The following DDX42 variants were observed in gnomAD, a reference collection of about 807,000 sequenced individuals.
The protein encoded by DDX42 is ATP-dependent RNA helicase DDX42.
Under a neutral mutation model 101.5 loss-of-function variants are expected in DDX42, and 22 were observed. The ratio of observed to expected loss-of-function variants is 0.22; its 90% CI spans 0.15 to 0.31. The LOEUF is 0.31. DDX42 is among the 10% of genes least tolerant of loss of function. The probability of loss-of-function intolerance (pLI) is 1.00; values close to 1 mark genes in which losing one functional copy is unlikely to be tolerated. For synonymous variants in DDX42, 402 were observed against 401.2 expected (o/e 1.00, Z -0.02); for missense variants, 849 against 1,199.9 (o/e 0.71, Z 4.32).
chr17:63,782,437 A>C (rs561711652), intron 1 of DDX42, among the ~76,000 whole-genome samples: 36 of 151,722 alleles, frequency 2.4e-4, no homozygotes, highest in Non-Finnish European at 4.4e-4. Flanking sequence ...TGGCATCTCT[A>C]CTCAGCTCTC....
chr17:63,789,616 C>T (rs1383444393), intron 2 of DDX42, among the ~76,000 whole-genome samples: 2 of 131,366 alleles, frequency 1.5e-5, no homozygotes, highest in African/African-American at 6.0e-5. Flanking sequence ...TCTTGTTGCC[C>T]AGGCTGGAGT....
chr17:63,777,450 C>CT (rs1336711645), intron 1 of DDX42, among the ~76,000 whole-genome samples: 3,329 of 139,204 alleles, frequency 0.024, 97 homozygotes, highest in African/African-American at 0.066. Context: ...CTTTTTCTTT[C>CT]TTTTTTTTTT....
In DDX42 at chr17:63,799,415, G is replaced by C. The variant is rs2144561206; in HGVS notation, c.435-174G>C. On this transcript the variant is annotated intron_variant, in intron 4 of 17. Coordinates refer to ENST00000389924, the MANE Select transcript of DDX42 (RefSeq NM_203499.3). ...TGCAAACTGCAGATTATAGAGTGCA[G>C]CTACACATATATATAATGGGGTGGA... 3 of 547,438 alleles carry C rather than the reference G, an allele frequency of 5.5e-6. No homozygotes were observed. In the South Asian group the frequency reaches 1.1e-4, roughly 21 times the overall value. 33.9% of individuals were successfully genotyped at this position (547,438 alleles called of 1,614,324 possible). A position where few individuals can be genotyped will look rare whatever the true frequency, so the allele number is the denominator to read the frequency against.
Position 63,811,153 on chromosome 17 carries a change from G to C in DDX42, c.1378G>C (p.Val460Leu). 3.1e-6 allele frequency: 5 copies of C among 1,614,000 alleles called. No individual in the cohort carries two copies. The highest frequency in any genetic ancestry group is 4.2e-6 in the Non-Finnish European group (5 of 1,179,968). Reference protein sequence around the residue: ...RDILIDPIRVVQGDIGEANED... With the variant: ...RDILIDPIRVLQGDIGEANED... ...CATCCTGATCGACCCTATTCGAGTG[G>C]TGCAGGGAGATATTGGAGAGGTAAC... The change falls in exon 13 of 18, where the codon GTG (valine) becomes CTG (leucine). Residue 460 changes from valine to leucine, a missense_variant. Val to Leu is a conservative substitution (Grantham distance 32). Coordinates refer to ENST00000389924, the MANE Select transcript of DDX42 (RefSeq NM_203499.3).
At position 63,818,497 on chromosome 17, in the gene DDX42, AC is replaced by A. The variant is rs1567749384; in HGVS notation, c.*104del. ...CTGGGTTGGGGTCCAAAGTGTAAGG[AC>A]CCCCTGCCCTTAGTGGAGAGCTGGA... On this transcript the variant is annotated 3_prime_UTR_variant, in exon 18 of 18. Transcript: ENST00000389924. 9.1e-7 allele frequency: 1 copy of A among 1,102,398 alleles called. No individual in the cohort carries two copies. The highest frequency in any genetic ancestry group is 1.3e-6 in the Non-Finnish European group (1 of 785,540). 68.3% of individuals were successfully genotyped at this position (1,102,398 alleles called of 1,614,324 possible).
intron 13 of DDX42, chr17:63,811,436 T>A: frequency 2.6e-6 from 1 of 389,536 alleles, no homozygotes; most frequent in Non-Finnish European, 4.6e-6. Context: ...GTCTCAAAAC[T>A]TACAATTGTT....
At chr17:63,786,499 A>C (rs2039548855) in intron 1 of DDX42, among the ~76,000 whole-genome samples, 1 of 152,210 alleles carries the variant, frequency 6.6e-6, no homozygotes, top group Admixed American at 6.5e-5. Flanking sequence ...ATCATAGCTC[A>C]GTGTAATCTG....
chr17:63,813,669 C>G (rs2039939959), intron 15 of DDX42, among the ~76,000 whole-genome samples: 1 of 152,132 alleles, frequency 6.6e-6, no homozygotes, highest in Non-Finnish European at 1.5e-5. Context: ...AAAGCTATTC[C>G]TTTGTGCTAA....
intron 1 of DDX42, among the ~76,000 whole-genome samples, chr17:63,780,947 C>G (rs1767522303): frequency 6.6e-6 from 1 of 152,142 alleles, no homozygotes; most frequent in African/African-American, 2.4e-5. Context: ...CATTTTGCAT[C>G]TTCAGTTTTT....
intron 1 of DDX42, chr17:63,776,000 C>T (rs1054930696): frequency 9.8e-5 from 15 of 152,288 alleles, no homozygotes; most frequent in African/African-American, 2.6e-4. Flanking sequence ...AATGTGATTA[C>T]GTTCTTGAGT....
Position 63,816,908 on chromosome 17 carries a change from A to G in DDX42, c.2054A>G (p.Tyr685Cys), listed in dbSNP as rs752839121. 1.2e-6 allele frequency: 2 copies of G among 1,613,932 alleles called. No individual in the cohort carries two copies. Among genetic ancestry groups the G allele is most frequent in the African/African-American group, 2.7e-5 (2 of 74,922 alleles). ...AATGTAATGAGCAATTATGAGGCCTACAAGCCTTCCACAGGAGCTATGGGA... is the reference window on the plus strand; with the variant it reads ...AATGTAATGAGCAATTATGAGGCCTGCAAGCCTTCCACAGGAGCTATGGGA... The part of the protein sequence containing the change: ...NNNVMSNYEA[Y>C]KPSTGAMGDR... The change falls in exon 17 of 18, where the codon TAC becomes TGC. Residue 685 changes from tyrosine to cysteine, a missense_variant. This residue lies in a region of DDX42 where 86 missense variants were observed against 160.8 expected (regional missense o/e 0.53). Transcript: ENST00000389924.
Position 63,807,881 on chromosome 17 carries a change from C to T in DDX42, c.1004C>T (p.Thr335Ile). The T allele has an allele frequency of 6.2e-7, 1 of 1,613,176 alleles. No individual in the cohort carries two copies. The highest frequency in any genetic ancestry group is 8.5e-7 in the Non-Finnish European group (1 of 1,179,552). ...DGPIAVIVCP[T>I]RELCQQIHAE... ...CCAATTGCAGTGATTGTGTGTCCTA[C>T]CAGGGAGCTTTGCCAGCAGGTATGT... Residue 335 changes from threonine (T) to isoleucine (I), a missense_variant, in exon 9 of 18, where the codon ACC (threonine) becomes ATC (isoleucine). By Grantham distance (89) the Thr-to-Ile change is moderately conservative. Around this residue, in one of 5 missense-constraint regions of DDX42, gnomAD observed 370 missense variants for 608.8 expected, o/e 0.61. Coordinates refer to ENST00000389924, the MANE Select transcript of DDX42 (RefSeq NM_203499.3).
chr17:63,803,685 C>T (rs746020218), intron 6 of DDX42, among the ~76,000 whole-genome samples: 6 of 150,140 alleles, frequency 4.0e-5, no homozygotes, highest in Admixed American at 2.7e-4. Flanking sequence ...CCTGCTCTGT[C>T]GCCCAGGCTG....
At chr17:63,779,414 C>A (rs540263918) in intron 1 of DDX42, among the ~76,000 whole-genome samples, 5 of 152,222 alleles carry the variant, frequency 3.3e-5, no homozygotes, top group African/African-American at 1.2e-4. Context: ...CAGGTGCACA[C>A]CACCACACCT....
chr17:63,808,857 A>G lies in DDX42; in HGVS notation c.1061A>G (p.Asn354Ser). 6.2e-7 allele frequency: 1 copy of G among 1,614,062 alleles called. No homozygotes were observed. Among genetic ancestry groups the G allele is most frequent in the Non-Finnish European group, 8.5e-7 (1 of 1,179,970 alleles). The change falls in exon 10 of 18, where the codon AAT becomes AGT. Residue 354 changes from asparagine to serine, a missense_variant. Transcript: ENST00000389924. ...TGTAAGCGGTTTGGAAAAGCATATA[A>G]TCTTCGATCAGTGGCCGTATATGGA... ...AECKRFGKAY[N>S]LRSVAVYGGG...
At chr17:63,811,419 A>T (rs1013652931) in intron 13 of DDX42, 3 of 422,268 alleles carry the variant, frequency 7.1e-6, no homozygotes, top group Non-Finnish European at 1.3e-5. Context: ...TTTTTGTTTT[A>T]TTGAATGTCT....
chr17:63,818,512 T>A lies in DDX42; in HGVS notation c.*114T>A. ...AAGTGTAAGGACCCCCTGCCCTTAG[T>A]GGAGAGCTGGAGCTTGGAGACATTA... On this transcript the variant is annotated 3_prime_UTR_variant, in exon 18 of 18. Coordinates refer to ENST00000389924, the MANE Select transcript of DDX42 (RefSeq NM_203499.3). 1 of 910,154 alleles carries A rather than the reference T, an allele frequency of 1.1e-6. No individual in the cohort carries two copies. The highest frequency in any genetic ancestry group is 1.6e-6 in the Non-Finnish European group (1 of 619,356). 56.4% of individuals were successfully genotyped at this position (910,154 alleles called of 1,614,324 possible).
At position 63,809,606 on chromosome 17, in the gene DDX42, G is replaced by A. The variant is rs202008841; in HGVS notation, c.1199G>A (p.Arg400Lys). The A allele has an allele frequency of 6.2e-7, 1 of 1,614,102 alleles. No individual in the cohort carries two copies. The highest frequency in any genetic ancestry group is 8.5e-7 in the Non-Finnish European group (1 of 1,180,008). Reference sequence around the variant, plus strand: ...AAAAAGAAAGCTACCAATCTTCAAAGAGTCTCTTACCTTGTGTTTGATGAA... The same window carrying A: ...AAAAAGAAAGCTACCAATCTTCAAAAAGTCTCTTACCTTGTGTTTGATGAA... The part of the protein sequence containing the change: ...HVKKKATNLQ[R>K]VSYLVFDEAD... Residue 400 changes from arginine (R) to lysine (K), a missense_variant, in exon 11 of 18, where the codon AGA becomes AAA. Physicochemically the swap from Arg to Lys is conservative, Grantham distance 26 (BLOSUM62 2). Coordinates refer to ENST00000389924, the MANE Select transcript of DDX42 (RefSeq NM_203499.3).
intron 2 of DDX42, among the ~76,000 whole-genome samples, chr17:63,791,822 G>A (rs2039631241): frequency 6.6e-6 from 1 of 152,114 alleles, no homozygotes; most frequent in African/African-American, 2.4e-5. Context: ...GAGGAGGGCA[G>A]ATCACGTAAG....
Sources: gnomAD v4.1 joint callset for allele counts (sites outside exome capture counted in the v4.1 genomes callset) on GRCh38, gnomAD v4.1.1 for gene constraint, gnomAD v4.1.1 regional missense constraint, MANE v1.5 for transcripts, NCBI Gene and HGNC (gene_info 2026-07-23, HGNC 2026-07-21) for gene names.